CCDC171: variants seen among roughly 807,000 people sequenced by gnomAD.
The protein encoded by CCDC171 is coiled-coil domain containing 171.
CCDC171 carries 177 observed loss-of-function variants against 168.2 expected under a neutral mutation model. That is an observed-to-expected ratio of 1.05 (90% CI 0.93 to 1.19). The LOEUF (loss-of-function observed/expected upper bound fraction) is 1.19. CCDC171 is among the 50% of genes most tolerant of loss of function. The pLI, the probability that CCDC171 is intolerant of heterozygous loss-of-function variation, is 0.00. For synonymous variants in CCDC171, 687 were observed against 540.8 expected, an observed-to-expected ratio of 1.27 and a Z score of -3.75; for missense variants, 1,991 against 1,539.0, an observed-to-expected ratio of 1.29 and a Z score of -4.91.
At chr9:15,700,592 G>A (rs1224119007) in intron 11 of CCDC171, among the ~76,000 whole-genome samples, 1 of 152,206 alleles carries the variant, frequency 6.6e-6, no homozygotes, top group African/African-American at 2.4e-5. Context: ...CTGCCAGCAC[G>A]CTGTCACCTC....
At chr9:15,576,220 G>T (rs981631802) in intron 3 of CCDC171, among the ~76,000 whole-genome samples, 28 of 151,266 alleles carry the variant, frequency 1.9e-4, no homozygotes, top group African/African-American at 5.6e-4. Flanking sequence ...GTCTTGCTCT[G>T]TTGTCCAGGC....
intron 25 of CCDC171, among the ~76,000 whole-genome samples, chr9:15,961,136 T>A (rs1830294062): frequency 6.6e-6 from 1 of 152,194 alleles, no homozygotes; most frequent in African/African-American, 2.4e-5. Flanking sequence ...CAAACTACTT[T>A]AAATTCTAAA....
intron 4 of CCDC171, among the ~76,000 whole-genome samples, chr9:15,582,213 C>T (rs7860283): frequency 0.044 from 6,711 of 152,272 alleles, 315 homozygotes; most frequent in South Asian, 0.12. Context: ...AAATGCAAAT[C>T]AAAACCACAA....
the CCDC171 span, among the ~76,000 whole-genome samples, chr9:16,106,392 G>A: frequency 6.6e-6 from 1 of 152,152 alleles, no homozygotes; most frequent in Admixed American, 6.5e-5. Flanking sequence ...CTCAGTGTCA[G>A]ATTTCCAGCC....
chr9:15,855,694 A>G (rs919634688), intron 23 of CCDC171, among the ~76,000 whole-genome samples: 4 of 151,456 alleles, frequency 2.6e-5, no homozygotes, highest in Admixed American at 2.6e-4. Context: ...CTTTTATTTT[A>G]CTATACATTT....
chr9:16,058,366 C>A (rs1211088940), intron 1 of CCDC171, among the ~76,000 whole-genome samples: 2 of 152,192 alleles, frequency 1.3e-5, no homozygotes, highest in African/African-American at 4.8e-5. Context: ...CCCTCTATTT[C>A]TCAGCCCCCT....
Position 15,973,607 on chromosome 9 carries a change from T to G in CCDC171, c.*1771T>G, listed in dbSNP as rs1446755952. On this transcript the variant is annotated 3_prime_UTR_variant, in exon 26 of 26. Coordinates refer to ENST00000380701, the MANE Select transcript of CCDC171 (RefSeq NM_173550.4). The stretch of plus-strand genomic sequence containing the variant: ...TCTCTTAATTCTTTCCTTGGAATTA[T>G]TTTTAATATGACCTGTGTAACATGA... 6.6e-6 allele frequency: 1 copy of G among 152,206 alleles called. No individual in the cohort carries two copies. The highest frequency in any genetic ancestry group is 1.5e-5 in the Non-Finnish European group (1 of 68,030). The allele number at this position is 152,206 out of a possible 1,614,324, so 9.4% of individuals were successfully genotyped here.
At chr9:15,564,405 A>C (rs2039558582) in intron 2 of CCDC171, among the ~76,000 whole-genome samples, 1 of 152,112 alleles carries the variant, frequency 6.6e-6, no homozygotes, top group Non-Finnish European at 1.5e-5. Context: ...GTTCTTTTCC[A>C]CTACTTTAAA....
Position 15,946,115 on chromosome 9 carries a change from C to T in CCDC171, c.3754-25494C>T, listed in dbSNP as rs571147950. Among the ~76,000 whole-genome samples, 17 of 152,000 alleles carry T rather than the reference C, an allele frequency of 1.1e-4. No individual in the cohort carries two copies. The South Asian group carries it at 3.3e-3, about 30-fold the overall frequency. On this transcript the variant is annotated intron_variant, in intron 25 of 25. Transcript: ENST00000380701. Reference sequence around the variant, plus strand: ...TCTACATATGGCTAGCCAGTTTTCCCAGCATCATTTATTAAATAGGGAATC... The same window carrying T: ...TCTACATATGGCTAGCCAGTTTTCCTAGCATCATTTATTAAATAGGGAATC...
intron 24 of CCDC171, among the ~76,000 whole-genome samples, chr9:15,913,667 A>T (rs977129998): frequency 6.6e-6 from 1 of 152,044 alleles, no homozygotes; most frequent in Non-Finnish European, 1.5e-5. Context: ...TTCATTTTCC[A>T]TCCAGTTTTG....
chr9:15,741,045 T>C (rs1480589888), intron 16 of CCDC171, among the ~76,000 whole-genome samples: 2 of 152,218 alleles, frequency 1.3e-5, no homozygotes, highest in African/African-American at 4.8e-5. Flanking sequence ...TATTATGGAA[T>C]TCTAAATGGG....
Position 15,666,202 on chromosome 9 carries a change from A to G in CCDC171, c.955A>G (p.Lys319Glu), listed in dbSNP as rs1161002828. The change falls in exon 9 of 26, where the codon AAG (lysine) becomes GAG (glutamate). Residue 319 changes from lysine to glutamate, a missense_variant. Coordinates refer to ENST00000380701, the MANE Select transcript of CCDC171 (RefSeq NM_173550.4). ...RDLEGALQVE[K>E]ASQAEAVADL... ...CCTTGAAGGAGCTTTGCAAGTAGAGAAGGCCAGTCAAGCAGAAGCTGTTGC... is the reference window on the plus strand; with the variant it reads ...CCTTGAAGGAGCTTTGCAAGTAGAGGAGGCCAGTCAAGCAGAAGCTGTTGC... 2.5e-6 allele frequency: 4 copies of G among 1,613,780 alleles called. No individual in the cohort carries two copies. The highest frequency in any genetic ancestry group is 2.5e-6 in the Non-Finnish European group (3 of 1,179,872).
chr9:15,606,308 A>G (rs1307844777), intron 6 of CCDC171, among the ~76,000 whole-genome samples: 1 of 152,220 alleles, frequency 6.6e-6, no homozygotes, highest in Non-Finnish European at 1.5e-5. Context: ...ATGATTCACT[A>G]ACATTCTTGT....
chr9:15,663,896 G>A (rs896635854), intron 8 of CCDC171, among the ~76,000 whole-genome samples: 2 of 152,068 alleles, frequency 1.3e-5, no homozygotes, highest in Non-Finnish European at 2.9e-5. Flanking sequence ...GTGAGCCACC[G>A]CGCCCGGCTG....
chr9:15,675,321 T>C (rs1218600093), intron 9 of CCDC171, among the ~76,000 whole-genome samples: 3 of 152,038 alleles, frequency 2.0e-5, no homozygotes, highest in Non-Finnish European at 2.9e-5. Flanking sequence ...CTTGACTCTT[T>C]ATGCAATTTG....
the CCDC171 span, among the ~76,000 whole-genome samples, chr9:16,075,705 C>T: frequency 5.5e-4 from 84 of 152,202 alleles, no homozygotes; most frequent in Admixed American, 3.3e-3. Context: ...CAGCTTTAGT[C>T]GGGATCCTCC....
intron 1 of CCDC171, among the ~76,000 whole-genome samples, chr9:16,058,162 G>A (rs566372994): frequency 6.6e-6 from 1 of 152,168 alleles, no homozygotes; most frequent in East Asian, 1.9e-4. Flanking sequence ...GTCCAAGACC[G>A]ATCTCTGGAA....
At chr9:15,980,757 A>G (rs1225308912) in intron 3 of CCDC171, among the ~76,000 whole-genome samples, 1 of 148,542 alleles carries the variant, frequency 6.7e-6, no homozygotes, top group African/African-American at 2.6e-5. Flanking sequence ...TTTTTTTTTA[A>G]TAACTATTTC....
chr9:15,687,407 C>G (rs756159050), intron 10 of CCDC171, among the ~76,000 whole-genome samples: 1 of 139,180 alleles, frequency 7.2e-6, no homozygotes, highest in East Asian at 2.1e-4. Context: ...GCCTGGGCAA[C>G]ACAGCGAGAC....
Sources: allele counts gnomAD v4.1 joint callset (sites outside exome capture counted in the v4.1 genomes callset), GRCh38; gene constraint gnomAD v4.1.1; transcripts MANE v1.5; gene names NCBI Gene and HGNC (gene_info 2026-07-23, HGNC 2026-07-21).